The following STARD13 variants were observed in gnomAD, a reference collection of about 807,000 sequenced individuals.
STARD13 encodes the protein stAR-related lipid transfer protein 13.
STARD13 carries 62 observed loss-of-function variants against 106.4 expected under a neutral mutation model. That is an observed-to-expected ratio of 0.58 (90% CI 0.48 to 0.72). The LOEUF (loss-of-function observed/expected upper bound fraction) is 0.72. Among genes scored for constraint, STARD13 ranks in the 30% least tolerant of loss-of-function variants. STARD13 has a pLI of 0.00. For synonymous variants in STARD13, 565 were observed against 553.0 expected, an observed-to-expected ratio of 1.02 and a Z score of -0.31; for missense variants, 1,387 against 1,424.0, an observed-to-expected ratio of 0.97 and a Z score of 0.42.
chr13:33,620,644 C>T, the STARD13 span, among the ~76,000 whole-genome samples: 25,373 of 151,544 alleles, frequency 0.17, 4,449 homozygotes, highest in African/African-American at 0.44. Context: ...TGTCTTAACA[C>T]ATTTCACACA....
At chr13:33,173,875 G>A (rs1053917365) in intron 1 of STARD13, among the ~76,000 whole-genome samples, 9 of 152,196 alleles carry the variant, frequency 5.9e-5, no homozygotes, top group African/African-American at 1.7e-4. Context: ...GAGTGATCAC[G>A]CTTACCTGTA....
At chr13:33,262,076 C>A (rs1277584585) in intron 1 of STARD13, among the ~76,000 whole-genome samples, 2 of 152,148 alleles carry the variant, frequency 1.3e-5, no homozygotes, top group African/African-American at 2.4e-5. Context: ...AGCTGAGAAG[C>A]AAAACAGACT....
chr13:33,615,336 G>A, the STARD13 span, among the ~76,000 whole-genome samples: 1 of 152,174 alleles, frequency 6.6e-6, no homozygotes, highest in East Asian at 1.9e-4. Context: ...GGTACAGGAG[G>A]AGATGCTGAG....
At chr13:33,459,825 G>C in the STARD13 span, among the ~76,000 whole-genome samples, 2 of 151,990 alleles carry the variant, frequency 1.3e-5, no homozygotes, top group Non-Finnish European at 2.9e-5. Flanking sequence ...ATTTTTTCTG[G>C]ATATAGAATT....
chr13:33,368,418 T>C, the STARD13 span, among the ~76,000 whole-genome samples: 1 of 152,338 alleles, frequency 6.6e-6, no homozygotes, highest in African/African-American at 2.4e-5. Flanking sequence ...AGGCATTATA[T>C]GCATGCAGCT....
chr13:33,648,147 A>C, the STARD13 span, among the ~76,000 whole-genome samples: 605 of 152,346 alleles, frequency 4.0e-3, 2 homozygotes, highest in African/African-American at 0.014. Flanking sequence ...TATAAACACT[A>C]AAAAGGCATA....
At chr13:33,648,377 C>T in the STARD13 span, among the ~76,000 whole-genome samples, 1 of 152,202 alleles carries the variant, frequency 6.6e-6, no homozygotes, top group African/African-American at 2.4e-5. Context: ...GGTTCTAGTA[C>T]AGCGGTTTCA....
chr13:33,623,428 T>TAAAAA, the STARD13 span, among the ~76,000 whole-genome samples: 370 of 58,972 alleles, frequency 6.3e-3, no homozygotes, highest in Non-Finnish European at 0.014. Flanking sequence ...CTCAATAAAG[T>TAAAAA]AAAAAAAAAA....
At chr13:33,501,847 T>C in the STARD13 span, among the ~76,000 whole-genome samples, 1 of 152,124 alleles carries the variant, frequency 6.6e-6, no homozygotes, top group Non-Finnish European at 1.5e-5. Context: ...CTTAGGATTG[T>C]CATGGCAATG....
chr13:33,186,761 T>G (rs1885803740), intron 1 of STARD13, among the ~76,000 whole-genome samples: 1 of 152,120 alleles, frequency 6.6e-6, no homozygotes, highest in African/African-American at 2.4e-5. Flanking sequence ...AATCTCAAAA[T>G]AGCAAAACAA....
chr13:33,346,842 T>C (rs1159281488), downstream of STARD13, among the ~76,000 whole-genome samples: 2 of 151,990 alleles, frequency 1.3e-5, no homozygotes, highest in African/African-American at 4.8e-5. Context: ...TTTCACTATG[T>C]TGGCCAGGCT....
intron 1 of STARD13, among the ~76,000 whole-genome samples, chr13:33,189,084 T>A (rs879553685): frequency 1.8e-4 from 28 of 152,178 alleles, no homozygotes; most frequent in Admixed American, 2.6e-4. Context: ...CATTTAGAAA[T>A]GTTTTATTTT....
chr13:33,138,612 T>C (rs1190133102), intron 4 of STARD13: 3 of 235,896 alleles, frequency 1.3e-5, no homozygotes, highest in East Asian at 1.4e-4. Flanking sequence ...CATAGAAATT[T>C]AGACGTTAAC....
the STARD13 span, among the ~76,000 whole-genome samples, chr13:33,579,550 G>C: frequency 6.6e-6 from 1 of 151,644 alleles, no homozygotes; most frequent in African/African-American, 2.4e-5. Context: ...TAGGGTGACA[G>C]GTGCACTAAA....
chr13:33,271,457 C>T (rs1891155420), intron 1 of STARD13: 1 of 152,330 alleles, frequency 6.6e-6, no homozygotes. Context: ...GGGCATCCCA[C>T]CCCAGCACTT....
At chr13:33,329,984 G>A (rs1026347936) in intron 1 of STARD13, among the ~76,000 whole-genome samples, 2 of 152,156 alleles carry the variant, frequency 1.3e-5, no homozygotes, top group Admixed American at 6.5e-5. Context: ...GATTACAGGC[G>A]TGAGCCACCG....
chr13:33,350,546 GA>G (rs2078066706), exon 1 of STARD13: 1 of 1,432,376 alleles, frequency 7.0e-7, no homozygotes, highest in East Asian at 2.7e-5. Context: ...ATGCGGGCGC[GA>G]CATGGGTCGG....
At chr13:33,568,887 CTAA>C in the STARD13 span, among the ~76,000 whole-genome samples, 5 of 148,060 alleles carry the variant, frequency 3.4e-5, 1 homozygote, top group South Asian at 2.1e-4. Context: ...CAGAATTATT[CTAA>C]TGACATAGTA....
chr13:33,171,221 A>G (rs7329549), intron 1 of STARD13, among the ~76,000 whole-genome samples: 63,548 of 152,012 alleles, frequency 0.42, 13,636 homozygotes, highest in East Asian at 0.54. Flanking sequence ...ACCCTTACCC[A>G]CCCCTGTAGC....
Sources: allele counts gnomAD v4.1 joint callset (sites outside exome capture counted in the v4.1 genomes callset), GRCh38; gene constraint gnomAD v4.1.1; transcripts MANE v1.5; gene names NCBI Gene and HGNC (gene_info 2026-07-23, HGNC 2026-07-21).